The following GCNT2 variants were observed in gnomAD, a reference collection of about 807,000 sequenced individuals.
GCNT2 encodes glucosaminyl (N-acetyl) transferase 2 (I blood group).
A neutral mutation model predicts 34.2 loss-of-function variants in GCNT2; 34 were observed. The observed-to-expected ratio is 1.00, with a 90% CI of 0.76 to 1.32. GCNT2 has a LOEUF of 1.32. Ranked by LOEUF, GCNT2 falls within the 40% of genes most tolerant of loss-of-function variation. The probability of loss-of-function intolerance (pLI) is 0.00; values close to 1 mark genes in which losing one functional copy is unlikely to be tolerated. For missense variants in GCNT2, 584 were observed against 489.4 expected, an observed-to-expected ratio of 1.19 and a Z score of -1.82; for synonymous variants, 212 against 188.0, an observed-to-expected ratio of 1.13 and a Z score of -1.04.
At chr6:10,584,152 G>C (rs1581444851) in intron 3 of GCNT2, among the ~76,000 whole-genome samples, 1 of 152,170 alleles carries the variant, frequency 6.6e-6, no homozygotes, top group East Asian at 1.9e-4. Flanking sequence ...ATCTTGGCGA[G>C]GGGAATGTGG....
At chr6:10,590,616 C>T (rs1430730415) in intron 3 of GCNT2, among the ~76,000 whole-genome samples, 2 of 151,038 alleles carry the variant, frequency 1.3e-5, no homozygotes, top group South Asian at 2.1e-4. Flanking sequence ...TGCAGTGGCG[C>T]GATCTCAGCT....
intron 3 of GCNT2, among the ~76,000 whole-genome samples, chr6:10,576,460 T>C (rs370857616): frequency 1.4e-4 from 22 of 152,296 alleles, no homozygotes; most frequent in African/African-American, 5.3e-4. Context: ...GGAAACAGTT[T>C]GGTCGTAATC....
chr6:10,582,447 A>T (rs1764154083), intron 3 of GCNT2, among the ~76,000 whole-genome samples: 1 of 119,308 alleles, frequency 8.4e-6, no homozygotes, highest in Non-Finnish European at 1.6e-5. Flanking sequence ...TATTTATTAT[A>T]TAATATATAT....
chr6:10,564,621 G>C (rs150746616), intron 3 of GCNT2, among the ~76,000 whole-genome samples: 2 of 152,352 alleles, frequency 1.3e-5, no homozygotes. Context: ...TGGCCTGAAT[G>C]TGAATCCCGG....
chr6:10,555,820 G>A (rs1762673765), intron 3 of GCNT2: 1 of 985,298 alleles, frequency 1.0e-6, no homozygotes, highest in South Asian at 4.7e-5. Flanking sequence ...CTTGTGTCAC[G>A]TTTCCTGAAA....
intron 3 of GCNT2, among the ~76,000 whole-genome samples, chr6:10,581,546 C>T (rs759589546): frequency 6.6e-6 from 1 of 152,046 alleles, no homozygotes; most frequent in South Asian, 2.1e-4. Context: ...CTGGGATTAC[C>T]GGCATGAACC....
intron 1 of GCNT2, among the ~76,000 whole-genome samples, chr6:10,524,606 A>G (rs1383227265): frequency 6.6e-6 from 1 of 152,166 alleles, no homozygotes; most frequent in East Asian, 1.9e-4. Flanking sequence ...GAAAACACAT[A>G]AATAAGAAAG....
intron 3 of GCNT2, among the ~76,000 whole-genome samples, chr6:10,553,409 C>T (rs1581396130): frequency 1.3e-5 from 2 of 152,318 alleles, no homozygotes; most frequent in South Asian, 4.1e-4. Flanking sequence ...CACAGTTTTC[C>T]CCAGGTCTTT....
At chr6:10,609,877 C>T (rs73721324) in intron 3 of GCNT2, among the ~76,000 whole-genome samples, 2 of 146,678 alleles carry the variant, frequency 1.4e-5, no homozygotes, top group African/African-American at 4.9e-5. Flanking sequence ...TAGGATGAGA[C>T]CAAGTCTGAG....
At chr6:10,588,632 G>C (rs1561821373) in intron 3 of GCNT2, among the ~76,000 whole-genome samples, 1 of 152,162 alleles carries the variant, frequency 6.6e-6, no homozygotes, top group African/African-American at 2.4e-5. Context: ...AAAGGATTGA[G>C]GGTGTTTGGA....
intron 3 of GCNT2, among the ~76,000 whole-genome samples, chr6:10,542,161 G>T (rs547069413): frequency 2.6e-5 from 4 of 152,042 alleles, no homozygotes; most frequent in African/African-American, 7.2e-5. Flanking sequence ...TATCCAACAG[G>T]TTTCTACCGT....
chr6:10,563,770 AAAAAAAAATAT>A (rs1437375694), intron 3 of GCNT2, among the ~76,000 whole-genome samples: 2,180 of 74,906 alleles, frequency 0.029, 10 homozygotes, highest in African/African-American at 0.037. Context: ...AAAAAAAAAA[AAAAAAAAATAT>A]ATATATATAT....
Position 10,621,695 on chromosome 6 carries a change from T to C in GCNT2, c.1018+252T>C, listed in dbSNP as rs9460946. The stretch of plus-strand genomic sequence containing the variant: ...TCAAATCAGGGCGGCATGTTTTTCT[T>C]CCTGCTAGTTTTCAGCTTTCTTTCT... On this transcript the variant is annotated intron_variant, in intron 4 of 4. Coordinates refer to ENST00000495262, the MANE Select transcript of GCNT2 (RefSeq NM_145649.5). The C allele has an allele frequency of 0.074, 33,051 of 444,628 alleles. 2,484 individuals are homozygous for C. Among genetic ancestry groups the C allele is most frequent in the African/African-American group, 0.27 (13,602 of 49,926 alleles). The allele number at this position is 444,628 out of a possible 1,614,324, so 27.5% of individuals were successfully genotyped here. A position where few individuals can be genotyped will look rare whatever the true frequency, so the allele number is the denominator to read the frequency against.
At chr6:10,572,399 A>G (rs973430550) in intron 3 of GCNT2, among the ~76,000 whole-genome samples, 2 of 152,112 alleles carry the variant, frequency 1.3e-5, no homozygotes, top group Admixed American at 1.3e-4. Flanking sequence ...TTTTGAGGAG[A>G]GAGTATAGAG....
chr6:10,569,275 C>CACACACACACACACACACCCA (rs1491437125), intron 3 of GCNT2, among the ~76,000 whole-genome samples: 1 of 101,332 alleles, frequency 9.9e-6, no homozygotes, highest in African/African-American at 3.8e-5. Context: ...ACACACACAC[C>CACACACACACACACACACCCA]CCCTAGGTAA....
intron 3 of GCNT2, among the ~76,000 whole-genome samples, chr6:10,562,056 G>A (rs1175492018): frequency 6.6e-6 from 1 of 152,104 alleles, no homozygotes; most frequent in African/African-American, 2.4e-5. Context: ...AGAAGTTACC[G>A]GGTCACACAT....
At chr6:10,559,501 G>A (rs1313602287) in intron 3 of GCNT2, among the ~76,000 whole-genome samples, 3 of 152,216 alleles carry the variant, frequency 2.0e-5, no homozygotes, top group South Asian at 4.1e-4. Flanking sequence ...AACCCAGGTA[G>A]AAAGACCCCT....
intron 3 of GCNT2, among the ~76,000 whole-genome samples, chr6:10,607,232 C>T (rs2127432934): frequency 6.6e-6 from 1 of 152,230 alleles, no homozygotes; most frequent in Non-Finnish European, 1.5e-5. Context: ...GCTTAATTGC[C>T]TCACAGTTCC....
intron 3 of GCNT2, among the ~76,000 whole-genome samples, chr6:10,544,805 C>T (rs905511654): frequency 1.1e-4 from 16 of 151,210 alleles, no homozygotes; most frequent in Non-Finnish European, 2.2e-4. Flanking sequence ...ATTAGCTGGG[C>T]GTGGTGGCAG....
Sources: gnomAD v4.1 joint callset for allele counts (sites outside exome capture counted in the v4.1 genomes callset) on GRCh38, gnomAD v4.1.1 for gene constraint, MANE v1.5 for transcripts, NCBI Gene and HGNC (gene_info 2026-07-23, HGNC 2026-07-21) for gene names.